Variants in SCAMP1 observed in about 807,000 individuals in gnomAD.
The protein encoded by SCAMP1 is secretory carrier-associated membrane protein 1.
A neutral mutation model predicts 41.8 loss-of-function variants in SCAMP1; 15 were observed. The observed-to-expected ratio is 0.36, with a 90% CI of 0.24 to 0.55. The LOEUF is 0.55. SCAMP1 is among the 20% of genes least tolerant of loss of function. SCAMP1 has a pLI of 0.86. For synonymous variants in SCAMP1, 135 were observed against 136.8 expected, an observed-to-expected ratio of 0.99 and a Z score of 0.09; for missense variants, 341 against 412.6, an observed-to-expected ratio of 0.83 and a Z score of 1.50.
At chr5:78,431,257 A>G (rs188568408) in intron 6 of SCAMP1, among the ~76,000 whole-genome samples, 4 of 152,020 alleles carry the variant, frequency 2.6e-5, no homozygotes. Flanking sequence ...AATGCTTCAA[A>G]ATATTCAAAA....
chr5:78,398,355 CTTTTTTTT>C (rs1197381285), intron 2 of SCAMP1, among the ~76,000 whole-genome samples: 429 of 57,498 alleles, frequency 7.5e-3, no homozygotes, highest in Non-Finnish European at 0.011. Context: ...GGGTTCACCT[CTTTTTTTT>C]TTTTTTTTTT....
intron 8 of SCAMP1, among the ~76,000 whole-genome samples, chr5:78,466,285 T>C (rs1476277437): frequency 1.3e-5 from 2 of 152,160 alleles, no homozygotes; most frequent in African/African-American, 4.8e-5. Context: ...AGAAATAAAT[T>C]GGTGGGCCCC....
In SCAMP1 at chr5:78,388,860, A is replaced by G; in HGVS notation, c.81A>G (p.Thr27=). Residue 27 remains threonine (T), a synonymous_variant, in exon 2 of 9, where the codon ACA becomes ACG. Coordinates refer to ENST00000621999, the MANE Select transcript of SCAMP1 (RefSeq NM_004866.6). The part of the protein sequence containing the change: ...PFKDPSVTQV[T]RNVPPGLDEY... Reference sequence around the variant, plus strand: ...AGGATCCATCAGTTACACAAGTGACAAGAAATGTTCCACCAGGACTTGATG... The same window carrying G: ...AGGATCCATCAGTTACACAAGTGACGAGAAATGTTCCACCAGGACTTGATG... 3.2e-6 allele frequency: 5 copies of G among 1,555,738 alleles called. No individual in the cohort carries two copies. The highest frequency in any genetic ancestry group is 3.5e-6 in the Non-Finnish European group (4 of 1,131,820).
At chr5:78,389,321 A>T (rs1446519776) in intron 2 of SCAMP1, among the ~76,000 whole-genome samples, 1 of 152,170 alleles carries the variant, frequency 6.6e-6, no homozygotes, top group Non-Finnish European at 1.5e-5. Context: ...TGTCATTTGA[A>T]TTAGATTATT....
At chr5:78,366,086 T>A (rs754982655) in intron 1 of SCAMP1, among the ~76,000 whole-genome samples, 1 of 152,016 alleles carries the variant, frequency 6.6e-6, no homozygotes, top group Non-Finnish European at 1.5e-5. Flanking sequence ...TGATGGCATC[T>A]TCTTTGTGTC....
chr5:78,415,626 CA>C lies in SCAMP1; in HGVS notation c.234+9del, dbSNP rs775567156. On this transcript the variant is annotated intron_variant, in intron 3 of 8. Transcript: ENST00000621999. ...TATACACAGATTGCAAAGGTTAGTT[CA>C]TGTTAGTTGTATAAATTCATATTGG... 3 of 1,531,878 alleles carry C rather than the reference CA, an allele frequency of 2.0e-6. No individual in the cohort carries two copies. Among genetic ancestry groups the C allele is most frequent in the Non-Finnish European group, 2.7e-6 (3 of 1,116,828 alleles). The allele number at this position is 1,531,878 out of a possible 1,614,324, so 94.9% of individuals were successfully genotyped here. A position where few individuals can be genotyped will look rare whatever the true frequency, so the allele number is the denominator to read the frequency against.
At position 78,478,821 on chromosome 5, in the gene SCAMP1, A is replaced by T. The variant is rs1384669327; in HGVS notation, c.*3153A>T. 1 of 152,198 alleles carries T rather than the reference A, an allele frequency of 6.6e-6. No individual in the cohort carries two copies. Among genetic ancestry groups the T allele is most frequent in the African/African-American group, 2.4e-5 (1 of 41,478 alleles). The allele number at this position is 152,198 out of a possible 1,614,324, so 9.4% of individuals were successfully genotyped here. A position where few individuals can be genotyped will look rare whatever the true frequency, so the allele number is the denominator to read the frequency against. ...TATTTTGAGAAATACATGTTAAAAAAGGAACAGTATTCTTTATTTTCTGGG... is the reference window on the plus strand; with the variant it reads ...TATTTTGAGAAATACATGTTAAAAATGGAACAGTATTCTTTATTTTCTGGG... On this transcript the variant is annotated 3_prime_UTR_variant, in exon 9 of 9. Transcript: ENST00000621999.
intron 4 of SCAMP1, among the ~76,000 whole-genome samples, chr5:78,418,058 C>T (rs1274447806): frequency 2.6e-5 from 4 of 151,988 alleles, no homozygotes; most frequent in Non-Finnish European, 5.9e-5. Context: ...TTTCTCAAGT[C>T]TTATTTTTAA....
rs372732024 is a variant in SCAMP1 at position 78,390,758 on chromosome 5, T to C, written c.135+1844T>C. Among the ~76,000 whole-genome samples the C allele has an allele frequency of 6.0e-5, 9 of 149,614 alleles. No homozygotes were observed. In the East Asian group the frequency reaches 1.8e-3, roughly 29 times the overall value. On this transcript the variant is annotated intron_variant, in intron 2 of 8. Transcript: ENST00000621999. ...GAGGGAAGGTCAGCAGATAAACAAG[T>C]GAACAAAGGTCTCTGGTTTTCCTAG...
In SCAMP1 at chr5:78,360,641, G is replaced by C; in HGVS notation, c.-31G>C. On this transcript the variant is annotated 5_prime_UTR_variant, in exon 1 of 9. Coordinates refer to ENST00000621999, the MANE Select transcript of SCAMP1 (RefSeq NM_004866.6). ...CGCCTCGTCTCTCTCTCTGCGCCTG[G>C]GTCGGGTGGGTGACGCCGAGAGCCA... is the stretch of plus-strand genomic sequence containing the variant. 1 of 1,596,400 alleles carries C rather than the reference G, an allele frequency of 6.3e-7. No homozygotes were observed. Among genetic ancestry groups the C allele is most frequent in the Non-Finnish European group, 8.5e-7 (1 of 1,172,244 alleles).
chr5:78,448,378 G>T (rs990838647), intron 6 of SCAMP1, among the ~76,000 whole-genome samples: 1 of 150,760 alleles, frequency 6.6e-6, no homozygotes, highest in Non-Finnish European at 1.5e-5. Flanking sequence ...CAGACGGAGG[G>T]AAAATCTTTG....
At position 78,478,230 on chromosome 5, in the gene SCAMP1, A is replaced by G. The variant is rs572634848; in HGVS notation, c.*2562A>G. ...TGTTTCAGTGGGTTGGAAGTTTTGT[A>G]TATTTATTGTATTAACACAGAGTGT... On this transcript the variant is annotated 3_prime_UTR_variant, in exon 9 of 9. Coordinates refer to ENST00000621999, the MANE Select transcript of SCAMP1 (RefSeq NM_004866.6). The G allele has an allele frequency of 6.5e-6, 1 of 152,674 alleles. No individual in the cohort carries two copies. The highest frequency in any genetic ancestry group is 2.1e-4 in the South Asian group (1 of 4,826). The allele number at this position is 152,674 out of a possible 1,614,324, so 9.5% of individuals were successfully genotyped here. A position where few individuals can be genotyped will look rare whatever the true frequency, so the allele number is the denominator to read the frequency against.
chr5:78,470,787 T>C (rs1014992044), intron 8 of SCAMP1, among the ~76,000 whole-genome samples: 2 of 152,174 alleles, frequency 1.3e-5, no homozygotes, highest in Non-Finnish European at 2.9e-5. Flanking sequence ...ACCAGCACTT[T>C]CTCTACATCC....
chr5:78,449,444 G>C (rs1753161048), intron 6 of SCAMP1, among the ~76,000 whole-genome samples: 1 of 152,084 alleles, frequency 6.6e-6, no homozygotes, highest in African/African-American at 2.4e-5. Context: ...CTATAAAATA[G>C]TCAAACTATG....
At position 78,478,528 on chromosome 5, in the gene SCAMP1, C is replaced by T. The variant is rs1754057820; in HGVS notation, c.*2860C>T. Reference sequence around the variant, plus strand: ...CTTCACCCATATTAAATATTTTGGCCCCTTTAAGGTCAAAATACAGATCAT... The same window carrying T: ...CTTCACCCATATTAAATATTTTGGCTCCTTTAAGGTCAAAATACAGATCAT... On this transcript the variant is annotated 3_prime_UTR_variant, in exon 9 of 9. Transcript: ENST00000621999. 6.6e-6 allele frequency: 1 copy of T among 152,020 alleles called. No homozygotes were observed. The highest frequency in any genetic ancestry group is 1.5e-5 in the Non-Finnish European group (1 of 67,954). The allele number at this position is 152,020 out of a possible 1,614,324, so 9.4% of individuals were successfully genotyped here.
chr5:78,440,032 C>T (rs942748112), intron 6 of SCAMP1, among the ~76,000 whole-genome samples: 4 of 152,154 alleles, frequency 2.6e-5, no homozygotes, highest in East Asian at 1.9e-4. Flanking sequence ...ACATAGTTCT[C>T]GTGCCGTGGT....
intron 2 of SCAMP1, among the ~76,000 whole-genome samples, chr5:78,395,212 C>G (rs1751621487): frequency 6.6e-6 from 1 of 152,096 alleles, no homozygotes; most frequent in Admixed American, 6.5e-5. Context: ...AACAATTGAG[C>G]AGAAAGTACA....
intron 6 of SCAMP1, among the ~76,000 whole-genome samples, chr5:78,444,257 C>A (rs1254674090): frequency 6.6e-6 from 1 of 152,160 alleles, no homozygotes; most frequent in Admixed American, 6.5e-5. Flanking sequence ...TGAAGAAATG[C>A]TCAAGACTGG....
intron 2 of SCAMP1, among the ~76,000 whole-genome samples, chr5:78,391,075 A>G (rs897259904): frequency 4.2e-5 from 6 of 143,554 alleles, no homozygotes; most frequent in African/African-American, 1.0e-4. Flanking sequence ...CATGGCAACC[A>G]TCCGATTTCT....
Sources: allele counts gnomAD v4.1 joint callset (sites outside exome capture counted in the v4.1 genomes callset), GRCh38; gene constraint gnomAD v4.1.1; transcripts MANE v1.5; gene names NCBI Gene and HGNC (gene_info 2026-07-23, HGNC 2026-07-21).